Variants in EHBP1 observed in about 807,000 individuals in gnomAD.
The protein encoded by EHBP1 is EH domain-binding protein 1.
Under a neutral mutation model 144.0 loss-of-function variants are expected in EHBP1, and 55 were observed. The observed-to-expected ratio is 0.38, with a 90% CI of 0.31 to 0.48. The LOEUF (loss-of-function observed/expected upper bound fraction) is 0.48, where lower values mean the gene tolerates loss of function less well. Among genes scored for constraint, EHBP1 ranks in the 20% least tolerant of loss-of-function variants. The probability of loss-of-function intolerance (pLI) is 0.98; values close to 1 mark genes in which losing one functional copy is unlikely to be tolerated. For synonymous variants in EHBP1, 469 were observed against 472.7 expected (o/e 0.99, Z 0.10); for missense variants, 1,200 against 1,364.2 (o/e 0.88, Z 1.90).
chr2:62,872,231 A>G (rs2050548853), intron 9 of EHBP1: 1 of 152,102 alleles, frequency 6.6e-6, no homozygotes, highest in Non-Finnish European at 1.5e-5. Flanking sequence ...GCAATAAATA[A>G]TGTCATTTAA....
At chr2:62,780,943 T>G (rs1423868635) in intron 5 of EHBP1, among the ~76,000 whole-genome samples, 1 of 152,200 alleles carries the variant, frequency 6.6e-6, no homozygotes. Context: ...TGATCATACA[T>G]TACAGATCAA....
intron 2 of EHBP1, among the ~76,000 whole-genome samples, chr2:62,723,638 G>C (rs1039950948): frequency 6.6e-6 from 1 of 152,190 alleles, no homozygotes; most frequent in Admixed American, 6.5e-5. Context: ...TCCATATATA[G>C]TGTTTCCTTT....
intron 1 of EHBP1, among the ~76,000 whole-genome samples, chr2:62,686,825 C>T (rs181201619): frequency 1.2e-4 from 18 of 152,290 alleles, no homozygotes; most frequent in African/African-American, 3.6e-4. Flanking sequence ...GTGCAGTGTA[C>T]AAAAGTTGTC....
chr2:62,767,690 G>A (rs898264595), intron 4 of EHBP1, among the ~76,000 whole-genome samples: 5 of 151,786 alleles, frequency 3.3e-5, no homozygotes, highest in Admixed American at 3.3e-4. Context: ...CAAAAAATTA[G>A]CTGGGTGCAG....
intron 14 of EHBP1, among the ~76,000 whole-genome samples, chr2:62,956,819 G>A (rs987022523): frequency 4.6e-5 from 7 of 152,020 alleles, no homozygotes; most frequent in Admixed American, 3.3e-4. Flanking sequence ...GTTCCATGAC[G>A]TCTGGGGCTG....
chr2:62,738,530 T>C (rs957178332), intron 2 of EHBP1, among the ~76,000 whole-genome samples: 1 of 152,154 alleles, frequency 6.6e-6, no homozygotes, highest in African/African-American at 2.4e-5. Flanking sequence ...TTTCCTCACC[T>C]GGAGGCCACA....
chr2:63,045,608 G>T lies in EHBP1; in HGVS notation c.*108G>T, dbSNP rs2061924822. 2 of 891,080 alleles carry T rather than the reference G, an allele frequency of 2.2e-6. No homozygotes were observed. Among genetic ancestry groups the T allele is most frequent in the African/African-American group, 3.3e-5 (2 of 59,996 alleles). 55.2% of individuals were successfully genotyped at this position (891,080 alleles called of 1,614,324 possible). A position where few individuals can be genotyped will look rare whatever the true frequency, so the allele number is the denominator to read the frequency against. Reference sequence around the variant, plus strand: ...AAACTTTTAACATTTTGTTTGGCTGGATTGTACTACTTTACCTCTACTTTA... The same window carrying T: ...AAACTTTTAACATTTTGTTTGGCTGTATTGTACTACTTTACCTCTACTTTA... On this transcript the variant is annotated 3_prime_UTR_variant, in exon 23 of 23. Transcript: ENST00000431489. The surrounding 1 kb of genome is among the most constrained non-coding windows in gnomAD (Gnocchi z 5.7).
chr2:62,850,658 A>C (rs2048631020), intron 7 of EHBP1, among the ~76,000 whole-genome samples: 1 of 152,194 alleles, frequency 6.6e-6, no homozygotes, highest in African/African-American at 2.4e-5. Context: ...CTGTGAAACA[A>C]GACTTTATAA....
chr2:62,773,189 C>T (rs1370639749), intron 5 of EHBP1, among the ~76,000 whole-genome samples: 1 of 152,180 alleles, frequency 6.6e-6, no homozygotes, highest in East Asian at 1.9e-4. Flanking sequence ...GCTATATTCT[C>T]ACCTGGAAGA....
intron 2 of EHBP1, among the ~76,000 whole-genome samples, chr2:62,709,036 A>G (rs2034868604): frequency 6.6e-6 from 1 of 152,196 alleles, no homozygotes; most frequent in Non-Finnish European, 1.5e-5. Flanking sequence ...TTATGAGCAG[A>G]AGAGACATTA....
chr2:62,831,269 C>G, intron 7 of EHBP1, 111 bp downstream of exon 7: 1 of 1,021,952 alleles, frequency 9.8e-7, no homozygotes, highest in Non-Finnish European at 1.4e-6. Flanking sequence ...CTTTTTTTTT[C>G]TTTAAGCCTT....
chr2:62,868,311 G>A (rs1367123137), intron 9 of EHBP1, among the ~76,000 whole-genome samples: 1 of 152,086 alleles, frequency 6.6e-6, no homozygotes, highest in Non-Finnish European at 1.5e-5. Flanking sequence ...CCCGAGAAGT[G>A]GAGGTTACAG....
chr2:62,878,122 C>T (rs1327693264), intron 10 of EHBP1, among the ~76,000 whole-genome samples: 1 of 152,002 alleles, frequency 6.6e-6, no homozygotes, highest in African/African-American at 2.4e-5. Context: ...CAAATAAATA[C>T]CAGAAATGAC....
At chr2:62,740,637 G>A (rs1216015443) in intron 2 of EHBP1, among the ~76,000 whole-genome samples, 1 of 152,072 alleles carries the variant, frequency 6.6e-6, no homozygotes, top group Non-Finnish European at 1.5e-5. Flanking sequence ...TGCCTATTCA[G>A]TTAAGTTTGG....
intron 14 of EHBP1, chr2:62,965,136 CTT>C (rs1400161377): frequency 6.6e-6 from 1 of 152,440 alleles, no homozygotes; most frequent in East Asian, 1.9e-4. Flanking sequence ...AGTGCAGTGA[CTT>C]TATACTTGAG....
intron 10 of EHBP1, among the ~76,000 whole-genome samples, chr2:62,876,943 A>G (rs2050935069): frequency 6.6e-6 from 1 of 152,226 alleles, no homozygotes; most frequent in South Asian, 2.1e-4. Flanking sequence ...ACACAATCAA[A>G]TCTATATAAC....
At chr2:62,976,491 G>A (rs76308741) in intron 14 of EHBP1, among the ~76,000 whole-genome samples, 106 of 152,238 alleles carry the variant, frequency 7.0e-4, no homozygotes, top group Non-Finnish European at 1.2e-3. Context: ...AAAATTTTCA[G>A]ACTCATTAAC....
At chr2:63,000,094 G>A (rs759078861) in intron 19 of EHBP1, among the ~76,000 whole-genome samples, 34 of 152,260 alleles carry the variant, frequency 2.2e-4, no homozygotes, top group Non-Finnish European at 3.5e-4. Flanking sequence ...TACATCCTGG[G>A]GGGAGGCAGG....
intron 2 of EHBP1, among the ~76,000 whole-genome samples, chr2:62,739,990 A>G (rs188562352): frequency 1.2e-4 from 18 of 151,414 alleles, no homozygotes; most frequent in Admixed American, 2.0e-4. Context: ...TGTTAGTAAG[A>G]TATTTATTTA....
Sources: allele counts gnomAD v4.1 joint callset (sites outside exome capture counted in the v4.1 genomes callset), GRCh38; gene constraint gnomAD v4.1.1; non-coding constraint Gnocchi (gnomAD v3.1); transcripts MANE v1.5; gene names NCBI Gene and HGNC (gene_info 2026-07-23, HGNC 2026-07-21).